NECTIN4: variants seen among roughly 807,000 people sequenced by gnomAD.
NECTIN4 encodes nectin cell adhesion molecule 4, also known as nectin-4.
Under a neutral mutation model 51.7 loss-of-function variants are expected in NECTIN4, and 19 were observed. The ratio of observed to expected loss-of-function variants is 0.37; its 90% CI spans 0.26 to 0.54. The LOEUF is 0.54. NECTIN4 is among the 20% of genes least tolerant of loss of function. The pLI, the probability that NECTIN4 is intolerant of heterozygous loss-of-function variation, is 0.86. For synonymous variants in NECTIN4, 283 were observed against 286.9 expected (o/e 0.99, Z 0.14); for missense variants, 619 against 662.4 (o/e 0.93, Z 0.72).
At chr1:161,078,956 G>C (rs1190169033) in intron 2 of NECTIN4, among the ~76,000 whole-genome samples, 2 of 152,152 alleles carry the variant, frequency 1.3e-5, no homozygotes, top group African/African-American at 4.8e-5. Context: ...AGCTTGCAGT[G>C]AGCCGAGATC....
intron 1 of NECTIN4, among the ~76,000 whole-genome samples, chr1:161,085,637 T>C (rs1316483431): frequency 9.3e-5 from 14 of 151,282 alleles, no homozygotes; most frequent in African/African-American, 3.4e-4. Flanking sequence ...AGCCGCCTTC[T>C]CCACGGCCTT....
chr1:161,084,918 G>A (rs80130874), intron 1 of NECTIN4: 58 of 152,038 alleles, frequency 3.8e-4, no homozygotes, highest in Middle Eastern at 3.4e-3. Context: ...GTTAACTCCT[G>A]CCTCCCCTTA....
rs1422737244 is a variant in NECTIN4, at chr1:161,079,820, A to T, written c.209T>A (p.Val70Glu). 1.2e-6 allele frequency: 2 copies of T among 1,613,578 alleles called. No homozygotes were observed. The highest frequency in any genetic ancestry group is 1.3e-5 in the African/African-American group (1 of 75,002). ...EQVGQVAWARVDAGEGAQELA... is the reference protein window; with the variant it reads ...EQVGQVAWAREDAGEGAQELA... ...TTCCTGGGCGCCTTCGCCCGCGTCC[A>T]CCCGAGCCCATGCCACTTGCCCCAC... is the stretch of plus-strand genomic sequence containing the variant. The change falls in exon 2 of 9, where the codon GTG becomes GAG. Residue 70 changes from valine to glutamate, a missense_variant. Physicochemically the swap from Val to Glu is moderately radical, Grantham distance 121. Coordinates refer to ENST00000368012, the MANE Select transcript of NECTIN4 (RefSeq NM_030916.3).
intron 1 of NECTIN4, among the ~76,000 whole-genome samples, chr1:161,086,279 G>A (rs1033007548): frequency 3.3e-5 from 5 of 152,050 alleles, no homozygotes; most frequent in Admixed American, 6.5e-5. Flanking sequence ...TCCTTGGCCC[G>A]GCCTCCTTAA....
Position 161,071,909 on chromosome 1 carries a change from AAAATT to A in NECTIN4, c.*747_*751del, listed in dbSNP as rs1422856374. The A allele has an allele frequency of 6.6e-6, 1 of 152,172 alleles. No homozygotes were observed. Among genetic ancestry groups the A allele is most frequent in the Non-Finnish European group, 1.5e-5 (1 of 68,036 alleles). The allele number at this position is 152,172 out of a possible 1,614,324, so 9.4% of individuals were successfully genotyped here. A position where few individuals can be genotyped will look rare whatever the true frequency, so the allele number is the denominator to read the frequency against. On this transcript the variant is annotated 3_prime_UTR_variant, in exon 9 of 9. Coordinates refer to ENST00000368012, the MANE Select transcript of NECTIN4 (RefSeq NM_030916.3). ...GAAAGGGCAAGAAAAAAAAAAGAAA[AAAATT>A]AAAAGTGATTCGGAGCAGTATTCCT...
At chr1:161,077,409 T>G (rs1471045631) in intron 3 of NECTIN4, 44 bp downstream of exon 3, 2 of 1,611,094 alleles carry the variant, frequency 1.2e-6, no homozygotes, top group Non-Finnish European at 1.7e-6. Context: ...ACCAATCTGC[T>G]GAGAACCCCT....
chr1:161,080,074 T>G, intron 1 of NECTIN4, 125 bp from the exon 2 acceptor site: 1 of 1,146,332 alleles, frequency 8.7e-7, no homozygotes, highest in Non-Finnish European at 1.2e-6. Flanking sequence ...GCAAAGCACA[T>G]TCAGTTCATT....
At chr1:161,088,693 C>G (rs908294403) in intron 1 of NECTIN4, among the ~76,000 whole-genome samples, 1 of 152,160 alleles carries the variant, frequency 6.6e-6, no homozygotes, top group African/African-American at 2.4e-5. Context: ...AGTCCTGGTG[C>G]TCTAGAACAT....
intron 2 of NECTIN4, 29 bp from the exon 3 acceptor site, chr1:161,077,772 G>C: frequency 6.3e-7 from 1 of 1,591,856 alleles, no homozygotes; most frequent in Non-Finnish European, 8.5e-7. Context: ...AGGGGTCACA[G>C]GTCTACACAA....
In NECTIN4 at chr1:161,079,777, G is replaced by A. The variant is rs1402844273; in HGVS notation, c.252C>T (p.Ser84=). The A allele has an allele frequency of 1.2e-6, 2 of 1,612,912 alleles. No homozygotes were observed. The highest frequency in any genetic ancestry group is 1.7e-5 in the Admixed American group (1 of 60,024). Residue 84 remains serine (S), a synonymous_variant, in exon 2 of 9, where the codon TCC becomes TCT. Coordinates refer to ENST00000368012, the MANE Select transcript of NECTIN4 (RefSeq NM_030916.3). ...EGAQELALLH[S]KYGLHVSPAY... The stretch of plus-strand genomic sequence containing the variant: ...CCGGGCTCACATGAAGCCCGTATTT[G>A]GAGTGCAGTAGCGCTAGTTCCTGGG...
intron 1 of NECTIN4, chr1:161,084,424 C>A: frequency 6.6e-6 from 1 of 152,438 alleles, no homozygotes; most frequent in Non-Finnish European, 1.5e-5. Flanking sequence ...GTCTCAGCTG[C>A]CCTTGGTCTG....
At chr1:161,080,147 T>C (rs1311282467) in intron 1 of NECTIN4, among the ~76,000 whole-genome samples, 198 bp from the exon 2 acceptor site, 1 of 152,144 alleles carries the variant, frequency 6.6e-6, no homozygotes, top group Non-Finnish European at 1.5e-5. Flanking sequence ...GTTTAACAGA[T>C]GAGGAAACTG....
chr1:161,078,936 C>A (rs759697130), intron 2 of NECTIN4, among the ~76,000 whole-genome samples: 2 of 151,874 alleles, frequency 1.3e-5, no homozygotes, highest in African/African-American at 4.8e-5. Context: ...GGCGTGAACC[C>A]GGGAGGCGGA....
chr1:161,073,684 C>T, intron 7 of NECTIN4, 36 bp downstream of exon 7: 1 of 1,570,348 alleles, frequency 6.4e-7, no homozygotes, highest in Middle Eastern at 1.7e-4. Flanking sequence ...AATGCGACCA[C>T]ACCCCTGCAT....
At chr1:161,082,404 G>A (rs1475809391) in intron 1 of NECTIN4, among the ~76,000 whole-genome samples, 1 of 152,136 alleles carries the variant, frequency 6.6e-6, no homozygotes, top group African/African-American at 2.4e-5. Context: ...CCTTGGGGTG[G>A]AGGCAGGATA....
intron 5 of NECTIN4, 80 bp from the exon 6 acceptor site, chr1:161,074,453 A>C: frequency 6.2e-7 from 1 of 1,602,580 alleles, no homozygotes; most frequent in Middle Eastern, 1.7e-4. Flanking sequence ...CCCGCAAAAC[A>C]TCTAAAACCA....
chr1:161,073,787 T>C lies in NECTIN4; in HGVS notation c.1166A>G (p.Glu389Gly). 1 of 1,613,914 alleles carries C rather than the reference T, an allele frequency of 6.2e-7. No individual in the cohort carries two copies. Residue 389 changes from glutamate to glycine, a missense_variant, in exon 7 of 9, where the codon GAG becomes GGG. By Grantham distance (98) the Glu-to-Gly change is moderately conservative. Transcript: ENST00000368012. ...GGAGTTCTCCCTGGTCAGGGTCAGC[T>C]CCTCCTCACTGGGAAAGACACACCC... The part of the protein sequence containing the change: ...AQQMTQKYEE[E>G]LTLTRENSIR...
chr1:161,074,096 C>A, intron 6 of NECTIN4, 121 bp downstream of exon 6: 2 of 1,275,020 alleles, frequency 1.6e-6, no homozygotes, highest in East Asian at 2.3e-5. Flanking sequence ...CCCTGCCCAC[C>A]TCTAGTCTGA....
At chr1:161,073,112 G>C in intron 8 of NECTIN4, 113 bp downstream of exon 8, 1 of 1,001,984 alleles carries the variant, frequency 1.0e-6, no homozygotes, top group Non-Finnish European at 1.6e-6. Context: ...GGCTGCATGA[G>C]CCAGGGCTAA....
Sources: gnomAD v4.1 joint callset for allele counts (sites outside exome capture counted in the v4.1 genomes callset) on GRCh38, gnomAD v4.1.1 for gene constraint, MANE v1.5 for transcripts, NCBI Gene and HGNC (gene_info 2026-07-23, HGNC 2026-07-21) for gene names.